CDH18: variants seen among roughly 807,000 people sequenced by gnomAD.
CDH18 encodes cadherin-18.
A neutral mutation model predicts 67.9 loss-of-function variants in CDH18; 31 were observed. The observed-to-expected ratio is 0.46, with a 90% CI of 0.34 to 0.62. The LOEUF (loss-of-function observed/expected upper bound fraction) is 0.62. CDH18 is among the 20% of genes least tolerant of loss of function. CDH18 has a pLI of 0.01. For synonymous variants in CDH18, 362 were observed against 347.2 expected (o/e 1.04, Z -0.48); for missense variants, 890 against 975.5 (o/e 0.91, Z 1.17).
At chr5:19,711,048 T>C (rs559062818) in intron 5 of CDH18, among the ~76,000 whole-genome samples, 3 of 152,186 alleles carry the variant, frequency 2.0e-5, no homozygotes, top group Admixed American at 6.6e-5. Flanking sequence ...TGGATTGTCA[T>C]ATGCAGAAGA....
intron 2 of CDH18, among the ~76,000 whole-genome samples, chr5:20,124,456 G>A (rs1365897947): frequency 6.6e-6 from 1 of 152,132 alleles, no homozygotes; most frequent in African/African-American, 2.4e-5. Context: ...TTGAGTACCA[G>A]TCTTCTTACT....
chr5:19,566,414 CT>C (rs1740408356), intron 8 of CDH18, among the ~76,000 whole-genome samples: 1 of 152,142 alleles, frequency 6.6e-6, no homozygotes, highest in Non-Finnish European at 1.5e-5. Context: ...TTTTATGCTG[CT>C]GATAAAGACA....
chr5:19,962,378 CAAAA>C (rs3065078), intron 2 of CDH18, among the ~76,000 whole-genome samples: 4 of 51,594 alleles, frequency 7.8e-5, no homozygotes, highest in Non-Finnish European at 1.3e-4. Context: ...CGTCAAAAAG[CAAAA>C]AAAAAAAAAA....
At chr5:19,549,793 G>GAAGAAAGAAA (rs1321019531) in intron 8 of CDH18, among the ~76,000 whole-genome samples, 1 of 109,866 alleles carries the variant, frequency 9.1e-6, no homozygotes, top group Non-Finnish European at 1.8e-5. Context: ...AGAAAGAAAG[G>GAAGAAAGAAA]AAGAAAGAAA....
In CDH18 at chr5:19,473,214, AG is replaced by A. The variant is rs1260101221; in HGVS notation, c.*11del. 6.8e-6 allele frequency: 11 copies of A among 1,609,284 alleles called. No homozygotes were observed. The South Asian group carries it at 1.1e-4, about 16-fold the overall frequency. ...AGGAAGCAAATTCCACAAGGTTGCA[AG>A]AACTGACCCCCTAAGTTGTTCTTTC... On this transcript the variant is annotated 3_prime_UTR_variant, in exon 13 of 13. Coordinates refer to ENST00000382275, the MANE Select transcript of CDH18 (RefSeq NM_004934.5).
chr5:19,654,569 G>A (rs1487359667), intron 5 of CDH18, among the ~76,000 whole-genome samples: 3 of 152,108 alleles, frequency 2.0e-5, no homozygotes, highest in Non-Finnish European at 2.9e-5. Flanking sequence ...CCGGCCCCAT[G>A]GTAGTGTCAA....
In CDH18 at chr5:19,489,456, C is replaced by T. The variant is rs1052123329; in HGVS notation, c.1631-5904G>A. On this transcript the variant is annotated intron_variant, in intron 11 of 12. Coordinates refer to ENST00000382275, the MANE Select transcript of CDH18 (RefSeq NM_004934.5). ...TAGAGACAGGGTTTCACCATGTTGG[C>T]CAGGCTGGTCTCAAACTCCTGACCT... 6.6e-5 allele frequency among the ~76,000 whole-genome samples: 10 copies of T among 151,878 alleles called. No homozygotes were observed. In the East Asian group the frequency reaches 7.8e-4, roughly 12 times the overall value.
chr5:19,900,744 GTTACTTTTGTCTTACTATT>G (rs1789861029), intron 2 of CDH18, among the ~76,000 whole-genome samples: 1 of 152,006 alleles, frequency 6.6e-6, no homozygotes, highest in Non-Finnish European at 1.5e-5. Context: ...TTTGCTTATG[GTTACTTTTGTCTTACTATT>G]TTCAATTATT....
intron 1 of CDH18, among the ~76,000 whole-genome samples, chr5:20,280,080 C>A (rs781397220): frequency 5.8e-4 from 88 of 152,156 alleles, no homozygotes; most frequent in Non-Finnish European, 1.2e-3. Context: ...TTGGAAACTA[C>A]TCATACCTCA....
chr5:20,327,390 A>T, intron 1 of CDH18, among the ~76,000 whole-genome samples: 1 of 152,174 alleles, frequency 6.6e-6, no homozygotes, highest in East Asian at 1.9e-4. Flanking sequence ...TTTCACTTCT[A>T]AAAAGTAGAT....
At chr5:20,403,888 T>C (rs1746002860) in intron 1 of CDH18, among the ~76,000 whole-genome samples, 1 of 150,904 alleles carries the variant, frequency 6.6e-6, no homozygotes, top group Non-Finnish European at 1.5e-5. Context: ...GATGGCATGA[T>C]GGAAGCTTCT....
chr5:20,562,983 G>A (rs1758304394), intron 1 of CDH18, among the ~76,000 whole-genome samples: 1 of 145,330 alleles, frequency 6.9e-6, no homozygotes, highest in Non-Finnish European at 1.5e-5. Flanking sequence ...CATACTTTGA[G>A]AAGGTAGGTT....
intron 3 of CDH18, among the ~76,000 whole-genome samples, chr5:19,820,249 C>T (rs138365289): frequency 1.3e-5 from 2 of 152,234 alleles, no homozygotes; most frequent in African/African-American, 4.8e-5. Flanking sequence ...CTCCCTAAGG[C>T]AGCCCTAGAG....
At chr5:20,102,732 T>C (rs1280744858) in intron 2 of CDH18, among the ~76,000 whole-genome samples, 3 of 151,580 alleles carry the variant, frequency 2.0e-5, no homozygotes, top group African/African-American at 7.3e-5. Context: ...ACAAAAGAAA[T>C]AGAGACAGAA....
At chr5:20,024,819 A>T (rs971235393) in intron 2 of CDH18, among the ~76,000 whole-genome samples, 1 of 152,196 alleles carries the variant, frequency 6.6e-6, no homozygotes, top group African/African-American at 2.4e-5. Flanking sequence ...TGGGGGCTAA[A>T]GCCATGTAGA....
chr5:20,167,890 G>C (rs1196321067), intron 2 of CDH18, among the ~76,000 whole-genome samples: 1 of 152,154 alleles, frequency 6.6e-6, no homozygotes, highest in African/African-American at 2.4e-5. Context: ...AACCAAACTG[G>C]AAGCAGAGAA....
intron 8 of CDH18, among the ~76,000 whole-genome samples, chr5:19,545,655 T>C (rs1019623957): frequency 6.6e-6 from 1 of 152,198 alleles, no homozygotes; most frequent in African/African-American, 2.4e-5. Context: ...GGTGACTCCA[T>C]TTCCACACGT....
intron 2 of CDH18, among the ~76,000 whole-genome samples, chr5:20,059,586 C>T (rs1742285957): frequency 6.6e-6 from 1 of 152,052 alleles, no homozygotes; most frequent in South Asian, 2.1e-4. Context: ...CCAGAAATAC[C>T]ATTTGAACCC....
chr5:19,903,639 T>C (rs1056745730), intron 2 of CDH18, among the ~76,000 whole-genome samples: 12 of 117,144 alleles, frequency 1.0e-4, no homozygotes, highest in African/African-American at 1.3e-4. Context: ...TTTTTTTTTT[T>C]CCTCCAGGAC....
Sources: gnomAD v4.1 joint callset for allele counts (sites outside exome capture counted in the v4.1 genomes callset) on GRCh38, gnomAD v4.1.1 for gene constraint, MANE v1.5 for transcripts, NCBI Gene and HGNC (gene_info 2026-07-23, HGNC 2026-07-21) for gene names.